CRYZL1: variants seen among roughly 807,000 people sequenced by gnomAD.
CRYZL1 encodes the protein ferry endosomal RAB5 effector complex subunit 4.
In CRYZL1, 34 loss-of-function variants were observed where a neutral mutation model predicts 50.6. The observed-to-expected ratio is 0.67, with a 90% CI of 0.51 to 0.89. The LOEUF (loss-of-function observed/expected upper bound fraction) is 0.89. CRYZL1 is among the 40% of genes least tolerant of loss of function. CRYZL1 has a pLI of 0.00. For synonymous variants in CRYZL1, 125 were observed against 134.3 expected, an observed-to-expected ratio of 0.93 and a Z score of 0.48; for missense variants, 354 against 402.3, an observed-to-expected ratio of 0.88 and a Z score of 1.03.
At chr21:33,592,404 T>C (rs2086653054) in intron 11 of CRYZL1, among the ~76,000 whole-genome samples, 2 of 152,144 alleles carry the variant, frequency 1.3e-5, no homozygotes, top group South Asian at 4.1e-4. Context: ...CCCAAAGTGC[T>C]GGGATTACAG....
chr21:33,606,597 G>C (rs1047142951), intron 6 of CRYZL1, among the ~76,000 whole-genome samples: 3 of 151,572 alleles, frequency 2.0e-5, no homozygotes, highest in African/African-American at 7.3e-5. Context: ...TTGCACTCCA[G>C]ACTAGGTGAC....
chr21:33,616,514 A>G (rs1156547619), intron 5 of CRYZL1, 192 bp downstream of exon 5: 26 of 1,091,852 alleles, frequency 2.4e-5, no homozygotes, highest in Non-Finnish European at 3.3e-5. Flanking sequence ...CTGGTCTCGA[A>G]CTCCCGACCT....
intron 11 of CRYZL1, among the ~76,000 whole-genome samples, chr21:33,592,649 G>A (rs761297423): frequency 7.2e-5 from 11 of 152,214 alleles, no homozygotes; most frequent in Non-Finnish European, 1.6e-4. Flanking sequence ...GAATGACACA[G>A]TTGGAAGGAG....
intron 2 of CRYZL1, 71 bp downstream of exon 2, chr21:33,631,415 G>A (rs1439790894): frequency 4.6e-5 from 51 of 1,098,500 alleles, no homozygotes; most frequent in East Asian, 2.0e-4. Context: ...TGAAAATAAC[G>A]TCATTTAAAA....
rs567585514 is a variant in CRYZL1, at chr21:33,623,013, T to A, written c.145-945A>T. ...TGGAGTCTCACTCTGTCGCCCAGGCTGGAGTGCAGTGGTGTGATCTCGGCT... is the reference window on the plus strand; with the variant it reads ...TGGAGTCTCACTCTGTCGCCCAGGCAGGAGTGCAGTGGTGTGATCTCGGCT... On this transcript the variant is annotated intron_variant, in intron 3 of 12. Transcript: ENST00000381554. 2.6e-5 allele frequency among the ~76,000 whole-genome samples: 4 copies of A among 151,574 alleles called. No individual in the cohort carries two copies. In the South Asian group the frequency reaches 8.4e-4, roughly 32 times the overall value.
chr21:33,638,379 A>AT (rs1039998192), intron 1 of CRYZL1, among the ~76,000 whole-genome samples: 11 of 151,870 alleles, frequency 7.2e-5, no homozygotes, highest in African/African-American at 2.4e-4. Context: ...CACCCAGCTA[A>AT]TTTTTTTGTA....
chr21:33,592,849 C>G (rs145851224), intron 11 of CRYZL1, among the ~76,000 whole-genome samples: 2 of 151,874 alleles, frequency 1.3e-5, no homozygotes, highest in Non-Finnish European at 2.9e-5. Context: ...GTCAAGAGTT[C>G]GAGACCAGCC....
chr21:33,595,693 T>G, intron 11 of CRYZL1, 38 bp downstream of exon 11: 1 of 1,611,518 alleles, frequency 6.2e-7, no homozygotes, highest in Non-Finnish European at 8.5e-7. Context: ...CAGTACAAAG[T>G]TCAAGCCAGA....
At position 33,624,678 on chromosome 21, in the gene CRYZL1, A is replaced by G. The variant is rs1396767232; in HGVS notation, c.144+5T>C. On this transcript the variant is annotated splice_donor_5th_base_variant and intron_variant, in intron 3 of 12. Coordinates refer to ENST00000381554, the MANE Select transcript of CRYZL1 (RefSeq NM_145858.3). ...TACTTTGTGCCATAATAAAAGAACC[A>G]ATACCTTTGTATTTATCTGGCTCAG... The G allele has an allele frequency of 6.2e-7, 1 of 1,608,018 alleles. No individual in the cohort carries two copies. Among genetic ancestry groups the G allele is most frequent in the African/African-American group, 1.3e-5 (1 of 74,430 alleles).
chr21:33,633,313 G>A (rs2087162579), intron 1 of CRYZL1, among the ~76,000 whole-genome samples: 1 of 152,178 alleles, frequency 6.6e-6, no homozygotes, highest in Non-Finnish European at 1.5e-5. Flanking sequence ...CCAGAACTGG[G>A]ATATAAACTA....
intron 1 of CRYZL1, among the ~76,000 whole-genome samples, chr21:33,635,346 C>CTTTTTTTTTTTTT: frequency 1.1e-5 from 1 of 93,452 alleles, no homozygotes; most frequent in Non-Finnish European, 2.0e-5. Flanking sequence ...AAGTATTAAA[C>CTTTTTTTTTTTTT]TTTTTTTTTT....
At position 33,598,673 on chromosome 21, in the gene CRYZL1, C is replaced by A. The variant is rs528527294; in HGVS notation, c.676+477G>T. Among the ~76,000 whole-genome samples, 10 of 152,306 alleles carry A rather than the reference C, an allele frequency of 6.6e-5. No individual in the cohort carries two copies. The South Asian group carries it at 2.1e-3, about 32-fold the overall frequency. On this transcript the variant is annotated intron_variant, in intron 9 of 12. Transcript: ENST00000381554. ...CTGAGGAGGCCATGTTTCTAGATTT[C>A]TTGTAGCGATATGTCATTTGTTACT...
chr21:33,629,243 C>T (rs1191900374), intron 2 of CRYZL1, among the ~76,000 whole-genome samples: 7 of 152,030 alleles, frequency 4.6e-5, no homozygotes, highest in Admixed American at 3.3e-4. Context: ...ACAACAACAA[C>T]AACAACAAAG....
chr21:33,603,445 G>C lies in CRYZL1; in HGVS notation c.424C>G (p.Leu142Val). The C allele has an allele frequency of 6.2e-7, 1 of 1,614,188 alleles. No individual in the cohort carries two copies. The highest frequency in any genetic ancestry group is 8.5e-7 in the Non-Finnish European group (1 of 1,180,024). ...ATCAGCACTGATTTTCCAGGAGAGA[G>C]ATGAGAAAGATAATGCAGAGCTGTA... ...AYTALHYLSH[L>V]SPGKSVLIMD... Residue 142 changes from leucine to valine, a missense_variant, in exon 7 of 13, where the codon CTC (leucine) becomes GTC (valine). Coordinates refer to ENST00000381554, the MANE Select transcript of CRYZL1 (RefSeq NM_145858.3).
chr21:33,596,585 C>T (rs1384395135), intron 10 of CRYZL1, among the ~76,000 whole-genome samples: 1 of 151,926 alleles, frequency 6.6e-6, no homozygotes, highest in Non-Finnish European at 1.5e-5. Flanking sequence ...TTGCAGTGAG[C>T]CGAGATCATG....
chr21:33,640,675 G>C (rs2087282031), intron 1 of CRYZL1, among the ~76,000 whole-genome samples: 2 of 152,156 alleles, frequency 1.3e-5, no homozygotes, highest in Non-Finnish European at 2.9e-5. Flanking sequence ...GAGTTGCAAA[G>C]GGTTTGGTCA....
chr21:33,616,451 C>A, intron 5 of CRYZL1: 1 of 389,628 alleles, frequency 2.6e-6, no homozygotes, highest in Non-Finnish European at 4.7e-6. Context: ...TGCCACCATG[C>A]CTGGCTAATT....
At chr21:33,607,985 TG>T (rs1167360319) in intron 6 of CRYZL1, among the ~76,000 whole-genome samples, 18 of 152,216 alleles carry the variant, frequency 1.2e-4, no homozygotes, top group Admixed American at 1.2e-3. Context: ...AATGATGCTA[TG>T]ATTTACGAAT....
chr21:33,598,735 G>C (rs1428419741), intron 9 of CRYZL1, among the ~76,000 whole-genome samples: 1 of 151,596 alleles, frequency 6.6e-6, no homozygotes, highest in African/African-American at 2.4e-5. Context: ...CTCGCAGCCT[G>C]CCCAGGATGG....
Sources: allele counts gnomAD v4.1 joint callset (sites outside exome capture counted in the v4.1 genomes callset), GRCh38; gene constraint gnomAD v4.1.1; transcripts MANE v1.5; gene names NCBI Gene and HGNC (gene_info 2026-07-23, HGNC 2026-07-21).